VIPR2: variants seen among roughly 807,000 people sequenced by gnomAD.
The protein encoded by VIPR2 is vasoactive intestinal polypeptide receptor 2.
A neutral mutation model predicts 58.0 loss-of-function variants in VIPR2; 48 were observed. That is an observed-to-expected ratio of 0.83 (90% CI 0.66 to 1.05). The LOEUF (loss-of-function observed/expected upper bound fraction) is 1.05. Ranked by LOEUF, VIPR2 falls within the 50% of genes least tolerant of loss-of-function variation. VIPR2 has a pLI of 0.00. For missense variants in VIPR2, 534 were observed against 558.0 expected (o/e 0.96, Z 0.43); for synonymous variants, 243 against 235.2 (o/e 1.03, Z -0.30).
At chr7:159,041,631 G>A (rs201248698) in intron 6 of VIPR2, among the ~76,000 whole-genome samples, 195 of 117,406 alleles carry the variant, frequency 1.7e-3, no homozygotes, top group South Asian at 4.8e-3. Context: ...TCCGTTGAGG[G>A]TCCGTCAGGG....
Position 159,093,310 on chromosome 7 carries a change from T to G in VIPR2, c.357+10447A>C, listed in dbSNP as rs1689025863. ...ACACAGGAGGCTGGTCTCGTCCATC[T>G]TCTCAGAGGTCATCCTTCAGGGAAA... On this transcript the variant is annotated intron_variant, in intron 4 of 12. Transcript: ENST00000262178. This position sits in a 1 kb window ranked among gnomAD's most constrained non-coding sequence, Gnocchi z 6.7. 6.6e-6 allele frequency among the ~76,000 whole-genome samples: 1 copy of G among 152,194 alleles called. No homozygotes were observed. Among genetic ancestry groups the G allele is most frequent in the Admixed American group, 6.5e-5 (1 of 15,286 alleles).
intron 2 of VIPR2, among the ~76,000 whole-genome samples, chr7:159,110,919 T>G (rs1193496365): frequency 6.6e-6 from 1 of 152,186 alleles, no homozygotes; most frequent in Non-Finnish European, 1.5e-5. Flanking sequence ...TCAATAAAAG[T>G]GAAAATATAT....
At position 159,093,711 on chromosome 7, in the gene VIPR2, G is replaced by A. The variant is rs1585474354; in HGVS notation, c.357+10046C>T. Among the ~76,000 whole-genome samples the A allele has an allele frequency of 1.8e-5, 2 of 113,020 alleles. No individual in the cohort carries two copies. Among genetic ancestry groups the A allele is most frequent in the South Asian group, 5.6e-4 (2 of 3,572 alleles). The allele number at this position is 113,020 out of a possible 152,430, so 74.1% of individuals were successfully genotyped here. ...GTTCGGAGATGGGAGACCCCGCAGC[G>A]TCCCTGGGTCCGGACATGGGAGACC... On this transcript the variant is annotated intron_variant, in intron 4 of 12. Coordinates refer to ENST00000262178, the MANE Select transcript of VIPR2 (RefSeq NM_003382.5). The surrounding 1 kb of genome is among the most constrained non-coding windows in gnomAD (Gnocchi z 6.7).
chr7:159,099,138 T>C lies in VIPR2; in HGVS notation c.357+4619A>G, dbSNP rs1479666119. Among the ~76,000 whole-genome samples, 5 of 152,270 alleles carry C rather than the reference T, an allele frequency of 3.3e-5. No individual in the cohort carries two copies. Among genetic ancestry groups the C allele is most frequent in the Non-Finnish European group, 5.9e-5 (4 of 68,044 alleles). ...GAAACTGCAACAGGAAGAAAAATTA[T>C]TCATTTTGGTTTTGTGCCATCCTTT... On this transcript the variant is annotated intron_variant, in intron 4 of 12. Coordinates refer to ENST00000262178, the MANE Select transcript of VIPR2 (RefSeq NM_003382.5). This position sits in a 1 kb window ranked among gnomAD's most constrained non-coding sequence, Gnocchi z 4.2.
intron 4 of VIPR2, among the ~76,000 whole-genome samples, chr7:159,100,843 G>A (rs1230774090): frequency 1.3e-5 from 2 of 151,298 alleles, no homozygotes; most frequent in Non-Finnish European, 2.9e-5. Flanking sequence ...TGACGAGGCT[G>A]TTCCCCCGAC....
At chr7:159,108,318 T>G (rs1795851569) in intron 3 of VIPR2, among the ~76,000 whole-genome samples, 1 of 152,234 alleles carries the variant, frequency 6.6e-6, no homozygotes, top group Non-Finnish European at 1.5e-5. Flanking sequence ...AAAGATGAAT[T>G]CCATGCGGAC....
At chr7:159,108,958 G>A (rs1316242623) in intron 3 of VIPR2, among the ~76,000 whole-genome samples, 1 of 152,204 alleles carries the variant, frequency 6.6e-6, no homozygotes, top group Non-Finnish European at 1.5e-5. Context: ...AACTCGGGGT[G>A]AGAAAGTCAA....
chr7:159,121,502 G>A (rs1159498646), intron 2 of VIPR2, among the ~76,000 whole-genome samples: 1 of 152,162 alleles, frequency 6.6e-6, no homozygotes, highest in African/African-American at 2.4e-5. Flanking sequence ...TGTTACACAT[G>A]CTTAGGTACC....
At chr7:159,060,876 C>T (rs979682790) in intron 4 of VIPR2, among the ~76,000 whole-genome samples, 1 of 152,230 alleles carries the variant, frequency 6.6e-6, no homozygotes, top group Admixed American at 6.5e-5. Context: ...TACCATTCAA[C>T]CTGGCAATAC....
intron 5 of VIPR2, among the ~76,000 whole-genome samples, chr7:159,046,712 A>G (rs1314739914): frequency 6.6e-6 from 1 of 152,174 alleles, no homozygotes; most frequent in East Asian, 1.9e-4. Context: ...CAAATTTTGG[A>G]AATCCACCCT....
intron 2 of VIPR2, among the ~76,000 whole-genome samples, chr7:159,110,685 C>T (rs1328872718): frequency 5.1e-5 from 1 of 19,558 alleles, no homozygotes; most frequent in Non-Finnish European, 9.1e-5. Context: ...ATGTGCTAGC[C>T]TTGGTCGGTA....
rs1254857672 is a variant in VIPR2, at chr7:159,096,338, C to T, written c.357+7419G>A. Among the ~76,000 whole-genome samples, 3 of 152,220 alleles carry T rather than the reference C, an allele frequency of 2.0e-5. No homozygotes were observed. Among genetic ancestry groups the T allele is most frequent in the African/African-American group, 4.8e-5 (2 of 41,460 alleles). On this transcript the variant is annotated intron_variant, in intron 4 of 12. Transcript: ENST00000262178. The surrounding 1 kb of genome is among the most constrained non-coding windows in gnomAD (Gnocchi z 5.5). ...GGTCAGGCACGTACCTCCCCTCCTCCGGCATCGGCCAGCTCCATGCCCAGA... is the reference window on the plus strand; with the variant it reads ...GGTCAGGCACGTACCTCCCCTCCTCTGGCATCGGCCAGCTCCATGCCCAGA...
At position 159,030,586 on chromosome 7, in the gene VIPR2, TC is replaced by T. The variant is rs766041999; in HGVS notation, c.*29del. ...CCGCAGAAGCCCCGAACCGTGGGCCTCCCGCCGCGTCCGACAGGCAGGGGTG... is the reference window on the plus strand; with the variant it reads ...CCGCAGAAGCCCCGAACCGTGGGCCTCCGCCGCGTCCGACAGGCAGGGGTG... On this transcript the variant is annotated 3_prime_UTR_variant, in exon 13 of 13. Transcript: ENST00000262178. 69 of 1,503,106 alleles carry T rather than the reference TC, an allele frequency of 4.6e-5. No homozygotes were observed. Among genetic ancestry groups the T allele is most frequent in the Admixed American group, 1.1e-4 (5 of 46,844 alleles). The allele number at this position is 1,503,106 out of a possible 1,614,324, so 93.1% of individuals were successfully genotyped here.
Position 159,044,547 on chromosome 7 carries a change from G to A in VIPR2, c.456-1371C>T, listed in dbSNP as rs570191366. On this transcript the variant is annotated intron_variant, in intron 5 of 12. Transcript: ENST00000262178. ...TTAAGTTTCTGACTTAAAGTCATAG[G>A]CAACAACTTTAAATAAAGTGTCTTA... Among the ~76,000 whole-genome samples, 4 of 151,158 alleles carry A rather than the reference G, an allele frequency of 2.6e-5. No individual in the cohort carries two copies. In the East Asian group the frequency reaches 5.8e-4, roughly 22 times the overall value.
chr7:159,034,890 A>G (rs1037889939), intron 8 of VIPR2, among the ~76,000 whole-genome samples: 2 of 152,178 alleles, frequency 1.3e-5, no homozygotes, highest in African/African-American at 4.8e-5. Context: ...AGAAGCCAGG[A>G]CAAGGGCAGG....
At chr7:159,118,101 T>G (rs1220166842) in intron 2 of VIPR2, among the ~76,000 whole-genome samples, 2 of 152,182 alleles carry the variant, frequency 1.3e-5, no homozygotes, top group Non-Finnish European at 2.9e-5. Flanking sequence ...ATACTCCCCT[T>G]GCACAGCAAA....
rs185812769 is a variant in VIPR2 at position 159,028,346 on chromosome 7, G to A, written c.*2270C>T. 6 of 153,654 alleles carry A rather than the reference G, an allele frequency of 3.9e-5. No individual in the cohort carries two copies. The highest frequency in any genetic ancestry group is 1.9e-4 in the East Asian group (1 of 5,318). 9.5% of individuals were successfully genotyped at this position (153,654 alleles called of 1,614,324 possible). On this transcript the variant is annotated 3_prime_UTR_variant, in exon 13 of 13. Coordinates refer to ENST00000262178, the MANE Select transcript of VIPR2 (RefSeq NM_003382.5). The stretch of plus-strand genomic sequence containing the variant: ...AGGAAACAGCCGGCCCCTCTACCAG[G>A]AGAAACCAGTCAGCTCCGCTGAACA...
chr7:159,092,467 G>A (rs1444203272), intron 4 of VIPR2, among the ~76,000 whole-genome samples: 1 of 152,226 alleles, frequency 6.6e-6, no homozygotes, highest in Non-Finnish European at 1.5e-5. Context: ...GTCTGGCACT[G>A]CCCTTTGAGA....
intron 4 of VIPR2, among the ~76,000 whole-genome samples, chr7:159,072,262 A>T (rs927761900): frequency 6.6e-5 from 10 of 152,360 alleles, no homozygotes; most frequent in African/African-American, 2.4e-4. Context: ...TAGCAACAAA[A>T]TCCAGAGTCC....
Sources: gnomAD v4.1 joint callset for allele counts (sites outside exome capture counted in the v4.1 genomes callset) on GRCh38, gnomAD v4.1.1 for gene constraint, Gnocchi (gnomAD v3.1) non-coding constraint, MANE v1.5 for transcripts, NCBI Gene and HGNC (gene_info 2026-07-23, HGNC 2026-07-21) for gene names.